Variants in OPA1 observed in about 807,000 individuals in gnomAD.
OPA1 encodes dynamin-like GTPase OPA1, mitochondrial.
In OPA1, 59 loss-of-function variants were observed where a neutral mutation model predicts 152.9. The ratio of observed to expected loss-of-function variants is 0.39; its 90% confidence interval spans 0.31 to 0.48. OPA1 has a LOEUF of 0.48. OPA1 is among the 20% of genes least tolerant of loss of function. The pLI, the probability that OPA1 is intolerant of heterozygous loss-of-function variation, is 0.96. For missense variants in OPA1, 1,008 were observed against 1,216.8 expected, an observed-to-expected ratio of 0.83 and a Z score of 2.55; for synonymous variants, 400 against 389.9, an observed-to-expected ratio of 1.03 and a Z score of -0.31.
chr3:193,676,768 C>T (rs1334426427), intron 29 of OPA1, among the ~76,000 whole-genome samples: 4 of 152,084 alleles, frequency 2.6e-5, no homozygotes, highest in African/African-American at 9.7e-5. Flanking sequence ...ATCACAAGGT[C>T]AGGAGATCCA....
intron 22 of OPA1, 75 bp from the exon 23 acceptor site, chr3:193,657,005 G>C (rs1016752629): frequency 2.3e-6 from 3 of 1,302,544 alleles, no homozygotes; most frequent in Non-Finnish European, 3.2e-6. Flanking sequence ...TTTGGCTTGA[G>C]CTCGTGTTAT....
intron 1 of OPA1, among the ~76,000 whole-genome samples, chr3:193,595,734 C>A (rs943825936): frequency 6.6e-6 from 1 of 152,164 alleles, no homozygotes; most frequent in African/African-American, 2.4e-5. Flanking sequence ...ACTCAGTGGG[C>A]CTTTCCCTTT....
chr3:193,637,556 A>G (rs916115487), intron 10 of OPA1, among the ~76,000 whole-genome samples: 3 of 152,046 alleles, frequency 2.0e-5, no homozygotes, highest in Non-Finnish European at 1.5e-5. Context: ...ATATGTCTTA[A>G]TATTAGTAAT....
At chr3:193,664,334 C>T (rs1417704503) in intron 26 of OPA1, among the ~76,000 whole-genome samples, 2 of 151,838 alleles carry the variant, frequency 1.3e-5, no homozygotes, top group Non-Finnish European at 2.9e-5. Context: ...TGATGTTTTT[C>T]TAGTTAACAT....
At chr3:193,634,566 C>T (rs973544356) in intron 8 of OPA1, among the ~76,000 whole-genome samples, 2 of 151,866 alleles carry the variant, frequency 1.3e-5, no homozygotes, top group African/African-American at 4.8e-5. Context: ...TACAGGTGCC[C>T]GCCACGACGC....
chr3:193,613,045 T>A (rs1299117167), intron 1 of OPA1, among the ~76,000 whole-genome samples: 1 of 152,204 alleles, frequency 6.6e-6, no homozygotes, highest in Admixed American at 6.5e-5. Context: ...AAATCCCACT[T>A]CTGACACCAG....
At chr3:193,618,626 A>T in intron 5 of OPA1, 1 of 468,486 alleles carries the variant, frequency 2.1e-6, no homozygotes, top group South Asian at 2.7e-5. Context: ...TGTAATTTTC[A>T]GTTATATATT....
At chr3:193,676,326 A>T (rs988637803) in intron 29 of OPA1, among the ~76,000 whole-genome samples, 1 of 152,176 alleles carries the variant, frequency 6.6e-6, no homozygotes, top group Non-Finnish European at 1.5e-5. Flanking sequence ...TTTCATGGTA[A>T]ATCTGGCAAT....
chr3:193,628,141 C>A (rs1013281744), intron 7 of OPA1, among the ~76,000 whole-genome samples: 1 of 152,056 alleles, frequency 6.6e-6, no homozygotes, highest in Admixed American at 6.6e-5. Context: ...TCATTCCAGG[C>A]ATGTGAGGTT....
intron 21 of OPA1, among the ~76,000 whole-genome samples, chr3:193,649,170 G>T (rs1449600795): frequency 6.6e-6 from 1 of 151,832 alleles, no homozygotes; most frequent in Non-Finnish European, 1.5e-5. Flanking sequence ...TATACTTTAG[G>T]TAAATATCAA....
intron 13 of OPA1, 62 bp downstream of exon 13, chr3:193,643,111 A>G: frequency 7.4e-7 from 1 of 1,359,808 alleles, no homozygotes; most frequent in South Asian, 1.2e-5. Context: ...GATTTCAAAT[A>G]AATCAAAATC....
intron 22 of OPA1, among the ~76,000 whole-genome samples, chr3:193,655,504 CAAAAA>C (rs903011995): frequency 6.6e-6 from 1 of 151,958 alleles, no homozygotes; most frequent in Non-Finnish European, 1.5e-5. Flanking sequence ...CAAAACAAAA[CAAAAA>C]ACTACCTTAA....
intron 1 of OPA1, among the ~76,000 whole-genome samples, chr3:193,596,076 G>A (rs945643615): frequency 6.6e-6 from 1 of 151,774 alleles, no homozygotes; most frequent in Non-Finnish European, 1.5e-5. Context: ...CTTTCTTCCT[G>A]AATCCCAGTA....
At chr3:193,678,210 A>T (rs965888262) in intron 29 of OPA1, among the ~76,000 whole-genome samples, 7 of 152,180 alleles carry the variant, frequency 4.6e-5, no homozygotes, top group Admixed American at 2.6e-4. Flanking sequence ...AAGCCATTTT[A>T]TCTTTAGTCT....
At position 193,642,817 on chromosome 3, in the gene OPA1, G is replaced by A. The variant is rs1180256773; in HGVS notation, c.1202G>A (p.Arg401Gln). 6.2e-7 allele frequency: 1 copy of A among 1,613,544 alleles called. No individual in the cohort carries two copies. The highest frequency in any genetic ancestry group is 2.2e-5 in the East Asian group (1 of 44,864). The change falls in exon 12 of 31, where the codon CGG becomes CAG. Residue 401 changes from arginine (R) to glutamine (Q), a missense_variant. This residue lies in a region of OPA1 where 213 missense variants were observed against 291.4 expected (regional missense o/e 0.73). Coordinates refer to ENST00000361510, the MANE Select transcript of OPA1 (RefSeq NM_130837.3). ...HHVALFKDSS[R>Q]EFDLTKEEDL... ...GTGGCCCTATTTAAAGATAGTTCTC[G>A]GGAGTTTGATCTTACCAAAGAAGAA...
At chr3:193,601,220 C>T (rs897000967) in intron 1 of OPA1, among the ~76,000 whole-genome samples, 11 of 152,012 alleles carry the variant, frequency 7.2e-5, no homozygotes, top group African/African-American at 2.4e-4. Flanking sequence ...CAAGAGTGAG[C>T]CCCCAGGAAC....
chr3:193,666,514 G>C, intron 28 of OPA1, 125 bp downstream of exon 28: 1 of 823,112 alleles, frequency 1.2e-6, no homozygotes, highest in Non-Finnish European at 2.0e-6. Context: ...CTGGCCAGGT[G>C]TGGTAGCTCA....
chr3:193,671,237 T>C (rs1717851957), intron 29 of OPA1, among the ~76,000 whole-genome samples: 2 of 152,196 alleles, frequency 1.3e-5, no homozygotes, highest in Admixed American at 6.5e-5. Context: ...GTTAATATTA[T>C]CAGTAATGGT....
chr3:193,667,150 T>G lies in OPA1; in HGVS notation c.2873-20T>G. On this transcript the variant is annotated intron_variant, in intron 28 of 30. Coordinates refer to ENST00000361510, the MANE Select transcript of OPA1 (RefSeq NM_130837.3). ...TTATAAAAACGATGCTCCTCAGGTT[T>G]TTTAACTTTCTTTAAACAGTTAGGC... 8.1e-7 allele frequency: 1 copy of G among 1,230,970 alleles called. No homozygotes were observed. Among genetic ancestry groups the G allele is most frequent in the Non-Finnish European group, 1.2e-6 (1 of 830,270 alleles). The allele number at this position is 1,230,970 out of a possible 1,614,324, so 76.3% of individuals were successfully genotyped here.
Sources: gnomAD v4.1 joint callset for allele counts (sites outside exome capture counted in the v4.1 genomes callset) on GRCh38, gnomAD v4.1.1 for gene constraint, gnomAD v4.1.1 regional missense constraint, MANE v1.5 for transcripts, NCBI Gene and HGNC (gene_info 2026-07-23, HGNC 2026-07-21) for gene names.